Variants in DENND2B observed in about 807,000 individuals in gnomAD.
DENND2B encodes the protein DENN domain containing 2B.
In DENND2B, 32 loss-of-function variants were observed where a neutral mutation model predicts 116.0. That is an observed-to-expected ratio of 0.28 (90% confidence interval 0.21 to 0.37). The LOEUF is 0.37. Ranked by LOEUF, DENND2B falls within the 10% of genes least tolerant of loss-of-function variation. The pLI is 1.00. For synonymous variants in DENND2B, 588 were observed against 583.9 expected, an observed-to-expected ratio of 1.01 and a Z score of -0.10; for missense variants, 1,276 against 1,477.7, an observed-to-expected ratio of 0.86 and a Z score of 2.24.
intron 1 of DENND2B, among the ~76,000 whole-genome samples, chr11:8,906,616 T>C (rs1321484252): frequency 3.3e-5 from 5 of 152,122 alleles, no homozygotes; most frequent in Admixed American, 6.5e-5. Flanking sequence ...AAGATTTCAA[T>C]CATTCCTGCT....
chr11:8,851,778 A>ATT (rs974243906), intron 3 of DENND2B, among the ~76,000 whole-genome samples: 2 of 152,178 alleles, frequency 1.3e-5, no homozygotes, highest in African/African-American at 4.8e-5. Flanking sequence ...AATATTTAGT[A>ATT]TTTTGTGAAT....
At chr11:8,804,388 T>G (rs2060637111) in intron 1 of DENND2B, among the ~76,000 whole-genome samples, 1 of 152,092 alleles carries the variant, frequency 6.6e-6, no homozygotes, top group African/African-American at 2.4e-5. Flanking sequence ...GTCTGTCAAG[T>G]GGCAGGAACT....
At chr11:8,806,258 G>A (rs1042903358) in intron 1 of DENND2B, among the ~76,000 whole-genome samples, 80 of 152,118 alleles carry the variant, frequency 5.3e-4, no homozygotes, top group Non-Finnish European at 2.6e-4. Flanking sequence ...ATTTCCAACA[G>A]TCCATCTCCA....
At chr11:8,797,467 CT>C (rs746896328) in intron 1 of DENND2B, among the ~76,000 whole-genome samples, 41 of 129,280 alleles carry the variant, frequency 3.2e-4, no homozygotes, top group Non-Finnish European at 5.6e-4. Flanking sequence ...CCTTCTTCCC[CT>C]TTCTTCCCCT....
Position 8,726,297 on chromosome 11 carries a change from T to C in DENND2B, c.1341-88A>G, listed in dbSNP as rs1005415687. On this transcript the variant is annotated intron_variant, in intron 3 of 19. Transcript: ENST00000313726. ...ATGTCCATGGCAACAGCAAAGACCA[T>C]AGGCCCTCCTTACAAAGGCAGCTTC... 28 of 1,493,378 alleles carry C rather than the reference T, an allele frequency of 1.9e-5. No individual in the cohort carries two copies. The East Asian group carries it at 2.3e-4, about 12-fold the overall frequency. The allele number at this position is 1,493,378 out of a possible 1,614,324, so 92.5% of individuals were successfully genotyped here.
chr11:8,805,691 A>G (rs1365762207), intron 1 of DENND2B, among the ~76,000 whole-genome samples: 1 of 152,176 alleles, frequency 6.6e-6, no homozygotes, highest in Admixed American at 6.5e-5. Context: ...AAAACTCAGA[A>G]CTGCAGCAGG....
intron 1 of DENND2B, among the ~76,000 whole-genome samples, chr11:8,805,738 G>T (rs1219430628): frequency 6.6e-6 from 1 of 152,174 alleles, no homozygotes; most frequent in African/African-American, 2.4e-5. Flanking sequence ...CAGACAGAGT[G>T]GGGGAGAGAG....
At chr11:8,904,970 A>G (rs1423929189) in intron 1 of DENND2B, among the ~76,000 whole-genome samples, 4 of 152,164 alleles carry the variant, frequency 2.6e-5, no homozygotes, top group African/African-American at 9.6e-5. Context: ...TAAGATTGCA[A>G]TTCTTCCTCA....
At chr11:8,830,000 T>G (rs942906762) in intron 4 of DENND2B, among the ~76,000 whole-genome samples, 10 of 152,334 alleles carry the variant, frequency 6.6e-5, no homozygotes, top group African/African-American at 1.9e-4. Flanking sequence ...CTGCCTCATC[T>G]ACTCTGGAAT....
At chr11:8,826,773 G>C (rs1033094540) in intron 4 of DENND2B, among the ~76,000 whole-genome samples, 1 of 152,224 alleles carries the variant, frequency 6.6e-6, no homozygotes, top group Admixed American at 6.5e-5. Flanking sequence ...TATCTAACAA[G>C]ACATGCACTG....
chr11:8,845,902 A>G (rs2062794848), intron 3 of DENND2B, among the ~76,000 whole-genome samples: 1 of 151,260 alleles, frequency 6.6e-6, no homozygotes, highest in Non-Finnish European at 1.5e-5. Flanking sequence ...GTGCTCAATA[A>G]AGGTCTGATT....
Position 8,731,166 on chromosome 11 carries a change from T to C in DENND2B, c.124A>G (p.Ser42Gly). The C allele has an allele frequency of 6.5e-7, 1 of 1,542,822 alleles. No individual in the cohort carries two copies. Among genetic ancestry groups the C allele is most frequent in the Non-Finnish European group, 8.7e-7 (1 of 1,144,718 alleles). ...SPPPVLSPPRSPIYPLSDSET... is the reference protein window; with the variant it reads ...SPPPVLSPPRGPIYPLSDSET... ...CTATCACTGAGCGGGTAGATGGGAC[T>C]CCTTGGTGGGGAGAGAACTGGAGGT... is the stretch of plus-strand genomic sequence containing the variant. The change falls in exon 3 of 20, where the codon AGT becomes GGT. Residue 42 changes from serine (S) to glycine (G), a missense_variant. Physicochemically the swap from Ser to Gly is moderately conservative, Grantham distance 56. Transcript: ENST00000313726.
chr11:8,705,879 C>A (rs1204055879), intron 13 of DENND2B, among the ~76,000 whole-genome samples: 1 of 152,262 alleles, frequency 6.6e-6, no homozygotes, highest in Non-Finnish European at 1.5e-5. Context: ...CATAGTGCCA[C>A]AACAGTATCC....
Position 8,696,392 on chromosome 11 carries a change from A to G in DENND2B, c.3292+35T>C, listed in dbSNP as rs201604689. On this transcript the variant is annotated intron_variant, in intron 18 of 19. Coordinates refer to ENST00000313726, the MANE Select transcript of DENND2B (RefSeq NM_213618.2). ...GTTCTTCAGCCCTGCTGTGGGTGAA[A>G]AAATTAGAGAAGAGAGCTGATAACC... 6.5e-5 allele frequency: 104 copies of G among 1,609,212 alleles called. No individual in the cohort carries two copies. The Admixed American group carries it at 6.9e-4, about 11-fold the overall frequency.
At chr11:8,797,340 G>A (rs1407979870) in intron 1 of DENND2B, among the ~76,000 whole-genome samples, 2 of 152,290 alleles carry the variant, frequency 1.3e-5, no homozygotes, top group East Asian at 3.9e-4. Flanking sequence ...ATCCCAAGAA[G>A]TATGCAGACT....
At chr11:8,887,115 C>A (rs1253999517) in intron 1 of DENND2B, among the ~76,000 whole-genome samples, 1 of 152,188 alleles carries the variant, frequency 6.6e-6, no homozygotes, top group African/African-American at 2.4e-5. Context: ...GCACGGTGAG[C>A]CACCACGCCC....
rs141044123 is a variant in DENND2B, at chr11:8,789,151, T to C, written c.-26+21366A>G. Among the ~76,000 whole-genome samples the C allele has an allele frequency of 1.3e-3, 192 of 152,296 alleles. 2 individuals are homozygous for C. The highest frequency in any genetic ancestry group is 3.4e-3 in the Middle Eastern group (1 of 294). ...GAGGAAATGGTATGATGCCTGGAGT[T>C]TGCTTCACAAAATTCAGTGGTAAAA... On this transcript the variant is annotated intron_variant, in intron 1 of 19. Coordinates refer to ENST00000313726, the MANE Select transcript of DENND2B (RefSeq NM_213618.2).
chr11:8,880,736 C>T (rs1225669539), intron 2 of DENND2B, among the ~76,000 whole-genome samples: 2 of 152,130 alleles, frequency 1.3e-5, no homozygotes, highest in African/African-American at 2.4e-5. Context: ...GGCTTCACTA[C>T]AAACCTCCTC....
At chr11:8,767,907 T>A (rs1013714201) in intron 1 of DENND2B, among the ~76,000 whole-genome samples, 5 of 151,980 alleles carry the variant, frequency 3.3e-5, no homozygotes, top group Admixed American at 6.6e-5. Flanking sequence ...CCACTAGAGA[T>A]CTGGTAATGA....
Sources: gnomAD v4.1 joint callset for allele counts (sites outside exome capture counted in the v4.1 genomes callset) on GRCh38, gnomAD v4.1.1 for gene constraint, MANE v1.5 for transcripts, NCBI Gene and HGNC (gene_info 2026-07-23, HGNC 2026-07-21) for gene names.